Variants in ADGRL2 observed in about 807,000 individuals in gnomAD.
ADGRL2 encodes adhesion G protein-coupled receptor L2.
In ADGRL2, 44 loss-of-function variants were observed where a neutral mutation model predicts 157.4. The ratio of observed to expected loss-of-function variants is 0.28; its 90% CI spans 0.22 to 0.36. The LOEUF is 0.36. Among genes scored for constraint, ADGRL2 ranks in the 10% least tolerant of loss-of-function variants. The pLI is 1.00. For synonymous variants in ADGRL2, 585 were observed against 624.7 expected (o/e 0.94, Z 0.95); for missense variants, 1,510 against 1,768.9 (o/e 0.85, Z 2.63).
chr1:81,678,799 T>C (rs554082277), intron 3 of ADGRL2, among the ~76,000 whole-genome samples: 3 of 151,620 alleles, frequency 2.0e-5, no homozygotes, highest in East Asian at 3.9e-4. Context: ...CATTTTTTTC[T>C]TTTGTCGGGA....
Position 81,475,885 on chromosome 1 carries a change from T to TA in ADGRL2, c.-248+30797dup, listed in dbSNP as rs555760585. On this transcript the variant is annotated intron_variant, in intron 2 of 24. Transcript: ENST00000370721. ...ATCTGTGTAGGAAAGCTGTCATGAG[T>TA]AGTTAGTTATCTCTGCCACGGGGGC... Among the ~76,000 whole-genome samples, 919 of 152,162 alleles carry TA rather than the reference T, an allele frequency of 6.0e-3. 5 individuals carry two copies. The highest frequency in any genetic ancestry group is 8.4e-3 in the Admixed American group (128 of 15,282).
intron 3 of ADGRL2, among the ~76,000 whole-genome samples, chr1:81,612,993 T>C (rs567252602): frequency 6.6e-6 from 1 of 152,304 alleles, no homozygotes; most frequent in African/African-American, 2.4e-5. Flanking sequence ...TAGATGATCA[T>C]GACATGGTCC....
At chr1:81,440,532 G>T (rs992046614) in intron 1 of ADGRL2, among the ~76,000 whole-genome samples, 10 of 152,130 alleles carry the variant, frequency 6.6e-5, no homozygotes, top group African/African-American at 2.4e-4. Context: ...AGACAATCCC[G>T]CAGATTTTAA....
intron 2 of ADGRL2, among the ~76,000 whole-genome samples, chr1:81,504,829 C>T (rs1368507265): frequency 2.0e-5 from 3 of 152,186 alleles, no homozygotes; most frequent in Admixed American, 6.5e-5. Flanking sequence ...CTGGGGTCCT[C>T]GCTGGCCTTG....
chr1:81,857,357 G>A (rs2093237061), intron 2 of ADGRL2, among the ~76,000 whole-genome samples: 1 of 152,154 alleles, frequency 6.6e-6, no homozygotes, highest in African/African-American at 2.4e-5. Context: ...GCATATATAT[G>A]TAAAAAGGAA....
intron 19 of ADGRL2, among the ~76,000 whole-genome samples, chr1:81,983,071 G>A (rs965746997): frequency 7.6e-6 from 1 of 131,004 alleles, no homozygotes; most frequent in Non-Finnish European, 1.7e-5. Context: ...ATTATTGTAT[G>A]TTCATAATTT....
intron 2 of ADGRL2, among the ~76,000 whole-genome samples, chr1:81,770,890 A>C (rs2086343115): frequency 6.6e-6 from 1 of 152,166 alleles, no homozygotes; most frequent in East Asian, 1.9e-4. Context: ...TTTTAAAAAG[A>C]ATTTGTTTCC....
intron 2 of ADGRL2, among the ~76,000 whole-genome samples, chr1:81,480,947 A>G (rs7547432): frequency 0.97 from 147,374 of 152,228 alleles, 71,481 homozygotes; most frequent in East Asian, 1. Context: ...TGTATCCTTT[A>G]AGGGTTAGAT....
intron 3 of ADGRL2, among the ~76,000 whole-genome samples, chr1:81,692,005 CT>C (rs1361674119): frequency 6.6e-6 from 1 of 151,016 alleles, no homozygotes; most frequent in Non-Finnish European, 1.5e-5. Context: ...TACACATACA[CT>C]TTCATATACA....
chr1:81,896,428 A>G (rs902563250), intron 2 of ADGRL2, among the ~76,000 whole-genome samples: 2 of 152,116 alleles, frequency 1.3e-5, no homozygotes, highest in Non-Finnish European at 2.9e-5. Flanking sequence ...GCATATTTTC[A>G]TAGTTGAGTC....
chr1:81,760,803 A>G (rs987858199), intron 1 of ADGRL2, among the ~76,000 whole-genome samples: 1 of 151,904 alleles, frequency 6.6e-6, no homozygotes, highest in Non-Finnish European at 1.5e-5. Flanking sequence ...CATGTAAAAT[A>G]AAGTATTTCT....
chr1:81,738,900 G>A (rs1376667626), intron 1 of ADGRL2, among the ~76,000 whole-genome samples: 3 of 152,172 alleles, frequency 2.0e-5, no homozygotes, highest in Admixed American at 1.3e-4. Flanking sequence ...CTGGTTATAA[G>A]GTTCCAGCCA....
chr1:81,781,056 G>T (rs1254687326), intron 2 of ADGRL2, among the ~76,000 whole-genome samples: 1 of 152,056 alleles, frequency 6.6e-6, no homozygotes, highest in Non-Finnish European at 1.5e-5. Context: ...GGCTGTTTTT[G>T]TTTTACTTAT....
chr1:81,764,651 T>C (rs965170155), intron 2 of ADGRL2, among the ~76,000 whole-genome samples: 1 of 152,144 alleles, frequency 6.6e-6, no homozygotes, highest in African/African-American at 2.4e-5. Context: ...AAGAGTATTT[T>C]CAGCTATTCA....
intron 2 of ADGRL2, among the ~76,000 whole-genome samples, chr1:81,847,778 AT>A: frequency 6.6e-6 from 1 of 152,064 alleles, no homozygotes; most frequent in East Asian, 1.9e-4. Flanking sequence ...CAGCATTTTA[AT>A]ACAAATGTTT....
At chr1:81,506,333 T>C (rs1239304776) in intron 2 of ADGRL2, 1 of 152,186 alleles carries the variant, frequency 6.6e-6, no homozygotes, top group Non-Finnish European at 1.5e-5. Flanking sequence ...GAAGAATGCT[T>C]GTTTTAAATG....
At chr1:81,408,127 C>T (rs1045544663) in intron 1 of ADGRL2, among the ~76,000 whole-genome samples, 2 of 152,128 alleles carry the variant, frequency 1.3e-5, no homozygotes, top group Non-Finnish European at 2.9e-5. Context: ...TTTGTAATTG[C>T]TGTGATCATT....
At chr1:81,358,874 G>A (rs1411813669) in intron 1 of ADGRL2, among the ~76,000 whole-genome samples, 1 of 151,442 alleles carries the variant, frequency 6.6e-6, no homozygotes, top group Non-Finnish European at 1.5e-5. Flanking sequence ...CTGGTGGTAG[G>A]AGAGAGATCT....
chr1:81,366,286 T>A (rs2076065255), intron 1 of ADGRL2, among the ~76,000 whole-genome samples: 1 of 115,058 alleles, frequency 8.7e-6, no homozygotes. Flanking sequence ...TATGACACAT[T>A]TGGCTCCAGA....
Sources: allele counts gnomAD v4.1 joint callset (sites outside exome capture counted in the v4.1 genomes callset), GRCh38; gene constraint gnomAD v4.1.1; transcripts MANE v1.5; gene names NCBI Gene and HGNC (gene_info 2026-07-23, HGNC 2026-07-21).